Variants in CUBN observed in about 807,000 individuals in gnomAD.
CUBN encodes cubilin.
In CUBN, 282 loss-of-function variants were observed where a neutral mutation model predicts 405.3. The ratio of observed to expected loss-of-function variants is 0.70; its 90% CI spans 0.63 to 0.77. The LOEUF is 0.77. Among genes scored for constraint, CUBN ranks in the 30% least tolerant of loss-of-function variants. The pLI, the probability that CUBN is intolerant of heterozygous loss-of-function variation, is 0.00. For synonymous variants in CUBN, 1,684 were observed against 1,617.0 expected (o/e 1.04, Z -0.99); for missense variants, 4,514 against 4,475.2 (o/e 1.01, Z -0.25).
chr10:16,971,097 T>A (rs1002705455), intron 31 of CUBN, among the ~76,000 whole-genome samples: 1 of 152,186 alleles, frequency 6.6e-6, no homozygotes, highest in African/African-American at 2.4e-5. Flanking sequence ...ACACTTGAAC[T>A]CTGTTAAAAA....
At chr10:16,848,500 A>T (rs1336960426) in intron 60 of CUBN, among the ~76,000 whole-genome samples, 4 of 152,082 alleles carry the variant, frequency 2.6e-5, no homozygotes, top group Non-Finnish European at 5.9e-5. Flanking sequence ...CTATTATGTG[A>T]TTTAAAGAAA....
intron 27 of CUBN, among the ~76,000 whole-genome samples, chr10:17,026,575 A>G (rs1834669176): frequency 6.6e-6 from 1 of 151,972 alleles, no homozygotes; most frequent in Admixed American, 6.6e-5. Context: ...TGGAGCTTGC[A>G]GTGAGCCGAG....
intron 27 of CUBN, among the ~76,000 whole-genome samples, chr10:17,039,357 G>C (rs1362320563): frequency 6.6e-6 from 1 of 152,170 alleles, no homozygotes; most frequent in Admixed American, 6.5e-5. Flanking sequence ...ATATGGCTGT[G>C]ATATTCAATT....
intron 21 of CUBN, among the ~76,000 whole-genome samples, chr10:17,066,494 AAAAG>A (rs1266449865): frequency 1.3e-5 from 2 of 152,158 alleles, no homozygotes; most frequent in African/African-American, 4.8e-5. Flanking sequence ...CTAAAGGAGA[AAAAG>A]AAAGAAAATT....
Position 16,898,068 on chromosome 10 carries a change from A to T in CUBN, c.8598+928T>A, listed in dbSNP as rs201166158. Among the ~76,000 whole-genome samples, 27 of 6,182 alleles carry T rather than the reference A, an allele frequency of 4.4e-3. No homozygotes were observed. In the Non-Finnish European group the frequency reaches 0.06, roughly 14 times the overall value. The allele number at this position is 6,182 out of a possible 152,430, so 4.1% of individuals were successfully genotyped here. On this transcript the variant is annotated intron_variant, in intron 54 of 66. Coordinates refer to ENST00000377833, the MANE Select transcript of CUBN (RefSeq NM_001081.4). ...ATATTAAATGTATTTTATTATATGT[A>T]TATATATATATATATATATGTTATA...
At chr10:16,877,379 C>T (rs1448975628) in intron 56 of CUBN, among the ~76,000 whole-genome samples, 1 of 152,164 alleles carries the variant, frequency 6.6e-6, no homozygotes, top group Admixed American at 6.6e-5. Context: ...AACTCAGTGA[C>T]TGTAAACTGG....
At chr10:16,885,264 G>T (rs1840778855) in intron 56 of CUBN, among the ~76,000 whole-genome samples, 2 of 152,170 alleles carry the variant, frequency 1.3e-5, no homozygotes, top group Admixed American at 1.3e-4. Flanking sequence ...TACTCAGGCA[G>T]CAGTTTGAAA....
intron 31 of CUBN, among the ~76,000 whole-genome samples, chr10:16,967,454 A>T (rs1375330840): frequency 1.3e-5 from 2 of 152,212 alleles, no homozygotes; most frequent in Non-Finnish European, 2.9e-5. Context: ...CCACAGATTG[A>T]GAGCTGTGGC....
intron 20 of CUBN, 151 bp downstream of exon 20, chr10:17,068,454 A>G: frequency 1.1e-6 from 1 of 929,326 alleles, no homozygotes; most frequent in Non-Finnish European, 1.6e-6. Flanking sequence ...CTTTTGATAT[A>G]AATGTTGATT....
intron 59 of CUBN, among the ~76,000 whole-genome samples, chr10:16,866,425 G>C (rs535177262): frequency 6.6e-6 from 1 of 152,148 alleles, no homozygotes; most frequent in Non-Finnish European, 1.5e-5. Flanking sequence ...GGCAGGAGAC[G>C]ACCCTGCTGG....
chr10:16,855,729 A>G (rs1382710867), intron 59 of CUBN, among the ~76,000 whole-genome samples: 1 of 152,256 alleles, frequency 6.6e-6, no homozygotes, highest in African/African-American at 2.4e-5. Flanking sequence ...CTATCAAACT[A>G]TAATAGAGCT....
At chr10:17,096,590 A>G (rs1226271770) in intron 14 of CUBN, among the ~76,000 whole-genome samples, 1 of 152,096 alleles carries the variant, frequency 6.6e-6, no homozygotes, top group African/African-American at 2.4e-5. Context: ...CTAAGTAATA[A>G]AGCAAATATT....
At chr10:16,908,107 C>T (rs1185773285) in intron 48 of CUBN, among the ~76,000 whole-genome samples, 1 of 152,144 alleles carries the variant, frequency 6.6e-6, no homozygotes, top group Non-Finnish European at 1.5e-5. Context: ...ATTTCATGTA[C>T]ATAATAAAGC....
intron 43 of CUBN, among the ~76,000 whole-genome samples, chr10:16,923,798 A>T (rs1398601969): frequency 6.6e-6 from 1 of 152,156 alleles, no homozygotes; most frequent in African/African-American, 2.4e-5. Flanking sequence ...TTGGCTGAGG[A>T]CGGTGGCTTA....
intron 28 of CUBN, among the ~76,000 whole-genome samples, chr10:16,999,957 T>C (rs147612925): frequency 2.8e-3 from 426 of 152,306 alleles, no homozygotes; most frequent in Middle Eastern, 0.01. Context: ...ACCACGTCCA[T>C]GGCAGTGGTG....
chr10:16,906,296 T>A lies in CUBN; in HGVS notation c.7819A>T (p.Asn2607Tyr), dbSNP rs1272034710. ...ATGGAAATGGATGAATTTCCCTGAT[T>A]TGGATTGCTGAGAGTCCATTCGCAG... ...LNCEWTLSNPNQGNSSISIHF... is the reference protein window; with the variant it reads ...LNCEWTLSNPYQGNSSISIHF... The change falls in exon 50 of 67, where the codon AAT (asparagine) becomes TAT (tyrosine). Residue 2607 changes from asparagine (N) to tyrosine (Y), a missense_variant. Coordinates refer to ENST00000377833, the MANE Select transcript of CUBN (RefSeq NM_001081.4). The A allele has an allele frequency of 6.2e-7, 1 of 1,613,818 alleles. No individual in the cohort carries two copies. The highest frequency in any genetic ancestry group is 2.2e-5 in the East Asian group (1 of 44,896).
rs759682551 is a variant in CUBN, at chr10:17,041,123, G to T, written c.3927C>A (p.Thr1309=). ...CAGTGTTGCCTGTTGTTGCCCGGAT[G>T]GTCCAGTTGCAATGCTGATTTTCAG... The part of the protein sequence containing the change: ...PYSENQHCNW[T]IRATTGNTVN... The change falls in exon 27 of 67, where the codon ACC becomes ACA. Residue 1309 remains threonine (T), a synonymous_variant. Coordinates refer to ENST00000377833, the MANE Select transcript of CUBN (RefSeq NM_001081.4). The T allele has an allele frequency of 9.3e-6, 15 of 1,613,636 alleles. No individual in the cohort carries two copies. The South Asian group carries it at 1.5e-4, about 17-fold the overall frequency.
At chr10:16,855,699 A>T (rs989374556) in intron 59 of CUBN, among the ~76,000 whole-genome samples, 3 of 152,228 alleles carry the variant, frequency 2.0e-5, no homozygotes, top group Non-Finnish European at 4.4e-5. Context: ...CACACAACTA[A>T]TATTAATAGC....
At chr10:17,041,564 A>T (rs1192038397) in intron 26 of CUBN, among the ~76,000 whole-genome samples, 1 of 152,096 alleles carries the variant, frequency 6.6e-6, no homozygotes, top group African/African-American at 2.4e-5. Flanking sequence ...ATATTCAGGG[A>T]TCAGTCTGAT....
Sources: allele counts gnomAD v4.1 joint callset (sites outside exome capture counted in the v4.1 genomes callset), GRCh38; gene constraint gnomAD v4.1.1; transcripts MANE v1.5; gene names NCBI Gene and HGNC (gene_info 2026-07-23, HGNC 2026-07-21).